The following WDR7 variants were observed in gnomAD, a reference collection of about 807,000 sequenced individuals.
The protein encoded by WDR7 is WD repeat-containing protein 7.
WDR7 carries 46 observed loss-of-function variants against 169.4 expected under a neutral mutation model. The ratio of observed to expected loss-of-function variants is 0.27; its 90% CI spans 0.21 to 0.35. The LOEUF is 0.35. Among genes scored for constraint, WDR7 ranks in the 10% least tolerant of loss-of-function variants. The pLI, the probability that WDR7 is intolerant of heterozygous loss-of-function variation, is 1.00. For synonymous variants in WDR7, 612 were observed against 666.8 expected, an observed-to-expected ratio of 0.92 and a Z score of 1.27; for missense variants, 1,534 against 1,859.3, an observed-to-expected ratio of 0.83 and a Z score of 3.22.
chr18:56,826,646 A>G (rs1046983908), intron 20 of WDR7, among the ~76,000 whole-genome samples: 2 of 152,218 alleles, frequency 1.3e-5, no homozygotes, highest in African/African-American at 4.8e-5. Context: ...CCTCACTCAT[A>G]GGTAGGATAA....
At chr18:56,658,595 A>T (rs2024830598) in intron 1 of WDR7, among the ~76,000 whole-genome samples, 1 of 152,194 alleles carries the variant, frequency 6.6e-6, no homozygotes, top group Admixed American at 6.5e-5. Context: ...AGTTTATTTC[A>T]CATTTAAGCT....
At chr18:57,001,993 T>C (rs1192797760) in intron 26 of WDR7, among the ~76,000 whole-genome samples, 3 of 152,120 alleles carry the variant, frequency 2.0e-5, no homozygotes, top group Admixed American at 2.0e-4. Flanking sequence ...AAAGCAAAAA[T>C]ACCCATGATT....
At chr18:56,997,988 G>A (rs1162500353) in intron 26 of WDR7, among the ~76,000 whole-genome samples, 2 of 152,170 alleles carry the variant, frequency 1.3e-5, no homozygotes, top group African/African-American at 4.8e-5. Context: ...TTTCCAGGAA[G>A]GATGAAGAGC....
intron 19 of WDR7, among the ~76,000 whole-genome samples, chr18:56,812,833 G>T (rs575396682): frequency 2.0e-5 from 3 of 152,006 alleles, no homozygotes; most frequent in Middle Eastern, 6.3e-3. Context: ...ATTGAGTGCC[G>T]ATTTTTCCCA....
chr18:57,009,466 A>G (rs2048108686), intron 26 of WDR7, among the ~76,000 whole-genome samples: 1 of 152,212 alleles, frequency 6.6e-6, no homozygotes. Context: ...TTCTTAACAA[A>G]AGGAATGAAC....
chr18:56,731,182 G>A (rs2026578012), intron 13 of WDR7, among the ~76,000 whole-genome samples: 1 of 152,090 alleles, frequency 6.6e-6, no homozygotes, highest in Non-Finnish European at 1.5e-5. Context: ...TTGCATCAGG[G>A]ACTTTGTGGG....
intron 19 of WDR7, among the ~76,000 whole-genome samples, chr18:56,795,444 GAGTA>G (rs1568199416): frequency 6.6e-6 from 1 of 152,128 alleles, no homozygotes; most frequent in Non-Finnish European, 1.5e-5. Context: ...TTGAATCTTA[GAGTA>G]TATAAAATAC....
At chr18:56,662,708 A>T (rs2024931014) in intron 1 of WDR7, among the ~76,000 whole-genome samples, 1 of 152,192 alleles carries the variant, frequency 6.6e-6, no homozygotes, top group African/African-American at 2.4e-5. Context: ...AAAACAGGTG[A>T]TGGAGGAACA....
intron 20 of WDR7, among the ~76,000 whole-genome samples, chr18:56,850,540 C>T (rs1270160817): frequency 2.0e-5 from 3 of 152,088 alleles, no homozygotes; most frequent in Admixed American, 1.3e-4. Context: ...GATAGAATCT[C>T]CCTCTTTTAC....
chr18:56,782,607 C>T (rs1286730856), intron 19 of WDR7, among the ~76,000 whole-genome samples: 1 of 151,928 alleles, frequency 6.6e-6, no homozygotes, highest in African/African-American at 2.4e-5. Flanking sequence ...AAAATTTGGC[C>T]TGGGTTTTAG....
rs1204946035 is a variant in WDR7 at position 56,718,086 on chromosome 18, A to G, written c.1701A>G (p.Lys567=). ...ACCTTTTTCCTATTCAAGTAATCAAATGGAGGCCTTCTGATGATTACCTGG... is the reference window on the plus strand; with the variant it reads ...ACCTTTTTCCTATTCAAGTAATCAAGTGGAGGCCTTCTGATGATTACCTGG... The part of the protein sequence containing the change: ...SRHLFPIQVI[K]WRPSDDYLVV... Residue 567 remains lysine (K), a synonymous_variant, in exon 13 of 28, where the codon AAA becomes AAG. Coordinates refer to ENST00000254442, the MANE Select transcript of WDR7 (RefSeq NM_015285.3). The G allele has an allele frequency of 1.2e-6, 2 of 1,614,160 alleles. No homozygotes were observed. Among genetic ancestry groups the G allele is most frequent in the Non-Finnish European group, 1.7e-6 (2 of 1,180,002 alleles).
At chr18:56,733,569 A>G (rs2026633873) in intron 14 of WDR7, among the ~76,000 whole-genome samples, 1 of 152,160 alleles carries the variant, frequency 6.6e-6, no homozygotes, top group Non-Finnish European at 1.5e-5. Context: ...TTGGTAACAT[A>G]GTGTTAGCAA....
intron 25 of WDR7, among the ~76,000 whole-genome samples, chr18:56,944,396 TTATC>T (rs1172757979): frequency 1.3e-5 from 2 of 152,168 alleles, no homozygotes; most frequent in Non-Finnish European, 2.9e-5. Flanking sequence ...TGATAGTTAT[TTATC>T]AGGTTGCAAA....
chr18:56,874,216 A>G (rs958588277), intron 20 of WDR7, among the ~76,000 whole-genome samples: 1 of 152,192 alleles, frequency 6.6e-6, no homozygotes, highest in African/African-American at 2.4e-5. Flanking sequence ...AAAATGTTAA[A>G]TATCACTTTT....
At chr18:56,752,377 G>T (rs531526348) in intron 14 of WDR7, among the ~76,000 whole-genome samples, 1 of 152,028 alleles carries the variant, frequency 6.6e-6, no homozygotes, top group Non-Finnish European at 1.5e-5. Context: ...TTCCATGCGG[G>T]TTTCCCGGTC....
chr18:56,828,095 C>G (rs1599079510), intron 20 of WDR7, among the ~76,000 whole-genome samples: 1 of 152,076 alleles, frequency 6.6e-6, no homozygotes, highest in East Asian at 1.9e-4. Flanking sequence ...GGTGTTTATT[C>G]TAGGTAGTTT....
At chr18:56,662,321 T>G (rs1009786390) in intron 1 of WDR7, among the ~76,000 whole-genome samples, 2 of 152,216 alleles carry the variant, frequency 1.3e-5, no homozygotes, top group African/African-American at 4.8e-5. Flanking sequence ...GGAATTAACA[T>G]TGATCTGATA....
chr18:56,782,924 A>G (rs998272950), intron 19 of WDR7, among the ~76,000 whole-genome samples: 5 of 152,168 alleles, frequency 3.3e-5, no homozygotes, highest in Admixed American at 2.6e-4. Context: ...GTGTGGCATG[A>G]GTTAATCTTT....
chr18:56,733,296 G>A (rs562250829), intron 14 of WDR7, among the ~76,000 whole-genome samples: 4 of 152,132 alleles, frequency 2.6e-5, no homozygotes. Context: ...ATGTATGTTG[G>A]CTGGACCATT....
Sources: allele counts gnomAD v4.1 joint callset (sites outside exome capture counted in the v4.1 genomes callset), GRCh38; gene constraint gnomAD v4.1.1; transcripts MANE v1.5; gene names NCBI Gene and HGNC (gene_info 2026-07-23, HGNC 2026-07-21).